The following PHF24 variants were observed in gnomAD, a reference collection of about 807,000 sequenced individuals.
PHF24 encodes the protein PHD finger protein 24, also known as Galpha inhibitory interacting protein.
PHF24 carries 25 observed loss-of-function variants against 42.6 expected under a neutral mutation model. The ratio of observed to expected loss-of-function variants is 0.59; its 90% CI spans 0.43 to 0.82. PHF24 has a LOEUF of 0.82. PHF24 is among the 40% of genes least tolerant of loss of function. The pLI, the probability that PHF24 is intolerant of heterozygous loss-of-function variation, is 0.00. For missense variants in PHF24, 470 were observed against 538.1 expected, an observed-to-expected ratio of 0.87 and a Z score of 1.25; for synonymous variants, 185 against 204.8, an observed-to-expected ratio of 0.90 and a Z score of 0.83.
the PHF24 span, among the ~76,000 whole-genome samples, chr9:34,815,540 T>C: frequency 6.6e-6 from 1 of 152,148 alleles, no homozygotes; most frequent in Non-Finnish European, 1.5e-5. Flanking sequence ...GCCAGGATGG[T>C]CTCTATCTCC....
At chr9:34,914,796 T>C in the PHF24 span, among the ~76,000 whole-genome samples, 1 of 152,022 alleles carries the variant, frequency 6.6e-6, no homozygotes. Context: ...TTATTTTTCT[T>C]TTTTTGATAG....
the PHF24 span, chr9:34,832,377 G>T: frequency 1.1e-5 from 10 of 949,132 alleles, no homozygotes; most frequent in Middle Eastern, 2.1e-4. Flanking sequence ...TGGGGTTGAG[G>T]CAGAGCCAGG....
chr9:34,729,092 G>A, the PHF24 span, among the ~76,000 whole-genome samples: 1 of 152,176 alleles, frequency 6.6e-6, no homozygotes, highest in Non-Finnish European at 1.5e-5. Flanking sequence ...AGAGGTTCTT[G>A]GCTTTTCAAT....
the PHF24 span, chr9:34,832,353 T>C: frequency 2.7e-6 from 2 of 749,148 alleles, no homozygotes; most frequent in Non-Finnish European, 4.6e-6. Flanking sequence ...ACGAGGACAG[T>C]GGTGGGGGTG....
At chr9:34,857,146 C>G in the PHF24 span, among the ~76,000 whole-genome samples, 20 of 152,320 alleles carry the variant, frequency 1.3e-4, no homozygotes, top group South Asian at 4.1e-3. Flanking sequence ...CACTCTTCCC[C>G]CTAGGAACTT....
the PHF24 span, among the ~76,000 whole-genome samples, chr9:34,817,369 C>T: frequency 6.6e-6 from 1 of 152,130 alleles, no homozygotes; most frequent in Non-Finnish European, 1.5e-5. Context: ...CGCAGTCTCC[C>T]AAGTAGCTGG....
At chr9:34,937,083 GC>G in the PHF24 span, among the ~76,000 whole-genome samples, 1,831 of 62,788 alleles carry the variant, frequency 0.029, 34 homozygotes, top group Admixed American at 0.073. Flanking sequence ...GGGCGCCTCT[GC>G]CCCGGCCGCC....
At chr9:34,851,571 C>T in the PHF24 span, among the ~76,000 whole-genome samples, 6 of 152,328 alleles carry the variant, frequency 3.9e-5, no homozygotes, top group African/African-American at 7.2e-5. Flanking sequence ...GGCAATGCCT[C>T]GCCCTGCTTC....
chr9:34,702,385 C>G, the PHF24 span, among the ~76,000 whole-genome samples: 1 of 152,186 alleles, frequency 6.6e-6, no homozygotes, highest in East Asian at 1.9e-4. Context: ...GAAGCTGGCG[C>G]TGGCTGCTTA....
At chr9:34,917,518 G>T in the PHF24 span, 1 of 774,230 alleles carries the variant, frequency 1.3e-6, no homozygotes. Flanking sequence ...CCAATTTGAG[G>T]CACACCTGTA....
intron 1 of PHF24, among the ~76,000 whole-genome samples, chr9:34,961,620 AG>A (rs1826591610): frequency 6.6e-6 from 1 of 152,250 alleles, no homozygotes; most frequent in Non-Finnish European, 1.5e-5. Flanking sequence ...GAATATCCAC[AG>A]GAACCAATAT....
chr9:34,937,816 C>T, the PHF24 span, among the ~76,000 whole-genome samples: 1 of 152,206 alleles, frequency 6.6e-6, no homozygotes, highest in African/African-American at 2.4e-5. Flanking sequence ...GAAAATAAAG[C>T]TCTGACTTCC....
the PHF24 span, among the ~76,000 whole-genome samples, chr9:34,871,873 CCTCTCCATCT>C: frequency 6.6e-6 from 1 of 152,150 alleles, no homozygotes; most frequent in Non-Finnish European, 1.5e-5. Flanking sequence ...TAGTCTTTTA[CCTCTCCATCT>C]AAACTTTAGA....
chr9:34,919,559 C>T, the PHF24 span, among the ~76,000 whole-genome samples: 1 of 151,866 alleles, frequency 6.6e-6, no homozygotes, highest in African/African-American at 2.4e-5. Context: ...TCTTTGTGTT[C>T]CAAACATTCC....
intron 3 of PHF24, among the ~76,000 whole-genome samples, chr9:34,974,275 T>C (rs994722815): frequency 1.4e-4 from 22 of 152,240 alleles, no homozygotes; most frequent in African/African-American, 5.3e-4. Context: ...TGTTGCTTCC[T>C]AAGGTCACCA....
At chr9:34,918,557 A>G in the PHF24 span, among the ~76,000 whole-genome samples, 108 of 152,228 alleles carry the variant, frequency 7.1e-4, no homozygotes, top group Non-Finnish European at 5.7e-4. Context: ...ACCAACCTGT[A>G]TATCTTAAGA....
the PHF24 span, chr9:34,835,917 C>T: frequency 5.0e-6 from 4 of 801,392 alleles, no homozygotes; most frequent in African/African-American, 6.8e-5. Flanking sequence ...GACTCCTCGA[C>T]AAAGTTGGGG....
chr9:34,780,298 CT>C, the PHF24 span, among the ~76,000 whole-genome samples: 93 of 63,906 alleles, frequency 1.5e-3, 1 homozygote, highest in East Asian at 0.015. Context: ...TTCTTTTTTT[CT>C]TTTTTTTTTT....
chr9:34,929,787 G>A, the PHF24 span, among the ~76,000 whole-genome samples: 1 of 152,150 alleles, frequency 6.6e-6, no homozygotes, highest in Admixed American at 6.5e-5. Flanking sequence ...TCAGCCTCCT[G>A]AGAAGAGTTG....
Sources: gnomAD v4.1 joint callset for allele counts (sites outside exome capture counted in the v4.1 genomes callset) on GRCh38, gnomAD v4.1.1 for gene constraint, MANE v1.5 for transcripts, NCBI Gene and HGNC (gene_info 2026-07-23, HGNC 2026-07-21) for gene names.